Variants in ARHGAP15 observed in about 807,000 individuals in gnomAD.
ARHGAP15 encodes the protein Rho GTPase activating protein 15, also known as rho GTPase-activating protein 15.
Under a neutral mutation model 63.7 loss-of-function variants are expected in ARHGAP15, and 51 were observed. The observed-to-expected ratio is 0.80, with a 90% CI of 0.64 to 1.01. The LOEUF is 1.01. Ranked by LOEUF, ARHGAP15 falls within the 50% of genes least tolerant of loss-of-function variation. The probability of loss-of-function intolerance (pLI) is 0.00; values close to 1 mark genes in which losing one functional copy is unlikely to be tolerated. For missense variants in ARHGAP15, 560 were observed against 564.6 expected (o/e 0.99, Z 0.08); for synonymous variants, 191 against 193.8 (o/e 0.99, Z 0.12).
chr2:143,433,411 T>C (rs1689472467), intron 6 of ARHGAP15, among the ~76,000 whole-genome samples: 1 of 152,114 alleles, frequency 6.6e-6, no homozygotes, highest in Non-Finnish European at 1.5e-5. Flanking sequence ...TGCATCTCTC[T>C]GATAGTATGT....
chr2:143,330,930 T>C (rs1387765919), intron 6 of ARHGAP15, among the ~76,000 whole-genome samples: 1 of 152,230 alleles, frequency 6.6e-6, no homozygotes, highest in Non-Finnish European at 1.5e-5. Context: ...ACTGAACCAT[T>C]GTCGCTTTCT....
intron 6 of ARHGAP15, among the ~76,000 whole-genome samples, chr2:143,322,324 T>C (rs1684060487): frequency 6.6e-6 from 1 of 152,174 alleles, no homozygotes; most frequent in Admixed American, 6.5e-5. Flanking sequence ...TTAGCATAAA[T>C]AAGCTAATAC....
intron 6 of ARHGAP15, among the ~76,000 whole-genome samples, chr2:143,354,251 T>G (rs540664094): frequency 4.4e-4 from 67 of 152,298 alleles, no homozygotes; most frequent in Admixed American, 1.0e-3. Flanking sequence ...CGCGTTCACC[T>G]CAGTCGGAAT....
chr2:143,297,514 C>G (rs953475401), intron 6 of ARHGAP15, among the ~76,000 whole-genome samples: 7 of 152,052 alleles, frequency 4.6e-5, no homozygotes, highest in South Asian at 4.1e-4. Flanking sequence ...TCCTTTACCC[C>G]CTTTGTGTGG....
Position 143,331,293 on chromosome 2 carries a change from C to T in ARHGAP15, c.474+80693C>T, listed in dbSNP as rs79185943. ...CCCTTTTGTGAAGCTTTCCTTGCTC[C>T]GATCGCTCTTCTTCCCATCCCAACT... On this transcript the variant is annotated intron_variant, in intron 6 of 13. Coordinates refer to ENST00000295095, the MANE Select transcript of ARHGAP15 (RefSeq NM_018460.4). 3.8e-4 allele frequency among the ~76,000 whole-genome samples: 58 copies of T among 152,148 alleles called. No homozygotes were observed. The East Asian group carries it at 6.2e-3, about 16-fold the overall frequency.
chr2:143,406,479 A>C (rs1195761704), intron 6 of ARHGAP15, among the ~76,000 whole-genome samples: 1 of 151,884 alleles, frequency 6.6e-6, no homozygotes, highest in Admixed American at 6.6e-5. Context: ...CTTCTTTATG[A>C]TATGTGTAGA....
intron 13 of ARHGAP15, among the ~76,000 whole-genome samples, chr2:143,711,184 G>A (rs1684564691): frequency 6.6e-6 from 1 of 151,748 alleles, no homozygotes. Flanking sequence ...TTTACCATCT[G>A]ACCCTTCACA....
chr2:143,356,678 T>C (rs190153395), intron 6 of ARHGAP15, among the ~76,000 whole-genome samples: 25 of 152,316 alleles, frequency 1.6e-4, no homozygotes, highest in African/African-American at 5.3e-4. Flanking sequence ...CTCTCTGTTT[T>C]ATAACACAAT....
chr2:143,590,435 G>A (rs1188399864), intron 11 of ARHGAP15, among the ~76,000 whole-genome samples: 1 of 152,158 alleles, frequency 6.6e-6, no homozygotes, highest in Non-Finnish European at 1.5e-5. Flanking sequence ...CGCCATGATA[G>A]GAGTTTAATA....
intron 13 of ARHGAP15, among the ~76,000 whole-genome samples, chr2:143,765,009 G>A (rs1686897905): frequency 6.6e-6 from 1 of 151,892 alleles, no homozygotes; most frequent in South Asian, 2.1e-4. Flanking sequence ...TATCAATTTA[G>A]GCATTTGCTA....
At chr2:143,621,253 AACTCT>A (rs1392892858) in intron 11 of ARHGAP15, among the ~76,000 whole-genome samples, 14 of 152,206 alleles carry the variant, frequency 9.2e-5, no homozygotes, top group South Asian at 4.1e-4. Context: ...GCTTTTGAGA[AACTCT>A]ACTCTATTAG....
chr2:143,646,927 G>A lies in ARHGAP15; in HGVS notation c.1138+22660G>A, dbSNP rs974041753. Among the ~76,000 whole-genome samples, 6 of 151,992 alleles carry A rather than the reference G, an allele frequency of 3.9e-5. No homozygotes were observed. In the South Asian group the frequency reaches 1.0e-3, roughly 26 times the overall value. On this transcript the variant is annotated intron_variant, in intron 12 of 13. Transcript: ENST00000295095. ...TAGCAATTGGGTTAAGACATGAAAT[G>A]GTCAGTTTCTTTCTGCCTGTGTTGA...
intron 6 of ARHGAP15, among the ~76,000 whole-genome samples, chr2:143,373,083 C>T (rs960334702): frequency 4.6e-5 from 7 of 150,860 alleles, no homozygotes; most frequent in African/African-American, 1.7e-4. Flanking sequence ...CACATAATTA[C>T]ACAGTACTTA....
intron 12 of ARHGAP15, among the ~76,000 whole-genome samples, chr2:143,689,379 G>A (rs1315314378): frequency 1.3e-5 from 2 of 152,018 alleles, no homozygotes; most frequent in Non-Finnish European, 2.9e-5. Flanking sequence ...GAGATACTAA[G>A]TAGCTTCTTA....
intron 11 of ARHGAP15, among the ~76,000 whole-genome samples, chr2:143,583,013 G>A (rs1696970959): frequency 6.6e-6 from 1 of 151,974 alleles, no homozygotes; most frequent in Non-Finnish European, 1.5e-5. Flanking sequence ...AGTGTGGAAA[G>A]GGAGAGATGA....
intron 13 of ARHGAP15, among the ~76,000 whole-genome samples, chr2:143,718,658 T>C (rs1244793476): frequency 6.6e-6 from 1 of 152,240 alleles, no homozygotes; most frequent in African/African-American, 2.4e-5. Context: ...TCATACATTT[T>C]TCCACTGTTC....
chr2:143,321,491 C>T (rs12477455), intron 6 of ARHGAP15, among the ~76,000 whole-genome samples: 57,119 of 152,070 alleles, frequency 0.38, 11,559 homozygotes, highest in East Asian at 0.46. Context: ...TGGTAACTTC[C>T]GGGGGAAAGT....
intron 10 of ARHGAP15, among the ~76,000 whole-genome samples, chr2:143,555,699 G>A (rs1015733090): frequency 1.3e-5 from 2 of 151,884 alleles, no homozygotes; most frequent in African/African-American, 2.4e-5. Context: ...TTACCATTTC[G>A]CTAAAGATTT....
At chr2:143,589,687 A>T (rs1697248998) in intron 11 of ARHGAP15, among the ~76,000 whole-genome samples, 1 of 152,218 alleles carries the variant, frequency 6.6e-6, no homozygotes, top group African/African-American at 2.4e-5. Flanking sequence ...TTCAACAAAC[A>T]TCAATCAAAT....
Sources: allele counts gnomAD v4.1 joint callset (sites outside exome capture counted in the v4.1 genomes callset), GRCh38; gene constraint gnomAD v4.1.1; transcripts MANE v1.5; gene names NCBI Gene and HGNC (gene_info 2026-07-23, HGNC 2026-07-21).